CNN1: variants seen among roughly 807,000 people sequenced by gnomAD.
CNN1 encodes calponin-1.
A neutral mutation model predicts 35.3 loss-of-function variants in CNN1; 21 were observed. The observed-to-expected ratio is 0.60, with a 90% confidence interval of 0.42 to 0.86. The LOEUF (loss-of-function observed/expected upper bound fraction) is 0.86. Among genes scored for constraint, CNN1 ranks in the 40% least tolerant of loss-of-function variants. The probability of loss-of-function intolerance (pLI) is 0.00; values close to 1 mark genes in which losing one functional copy is unlikely to be tolerated. For synonymous variants in CNN1, 164 were observed against 161.8 expected (o/e 1.01, Z -0.10); for missense variants, 314 against 400.8 (o/e 0.78, Z 1.85).
chr19:11,543,627 C>G (rs1222176161), intron 2 of CNN1, among the ~76,000 whole-genome samples: 1 of 149,828 alleles, frequency 6.7e-6, no homozygotes, highest in Non-Finnish European at 1.5e-5. Flanking sequence ...AAAAAAAATA[C>G]AAAAAATTAG....
chr19:11,546,910 C>A lies in CNN1; in HGVS notation c.331C>A (p.Leu111Met). Reference protein sequence around the residue: ...KPHDIFEANDLFENTNHTQVQ... With the variant: ...KPHDIFEANDMFENTNHTQVQ... ...CCACGACATTTTTGAGGCCAACGAC[C>A]TGTTTGAGAACACCAACCATACACA... Residue 111 changes from leucine (L) to methionine (M), a missense_variant, in exon 4 of 7, where the codon CTG (leucine) becomes ATG (methionine). Physicochemically the swap from Leu to Met is conservative, Grantham distance 15. Transcript: ENST00000252456. The A allele has an allele frequency of 6.2e-7, 1 of 1,614,242 alleles. No homozygotes were observed. The highest frequency in any genetic ancestry group is 1.3e-5 in the African/African-American group (1 of 75,070).
At chr19:11,542,599 G>A (rs1009009266) in intron 2 of CNN1, among the ~76,000 whole-genome samples, 2 of 146,702 alleles carry the variant, frequency 1.4e-5, no homozygotes, top group Admixed American at 1.4e-4. Context: ...TTTTTCAGAT[G>A]GAATCTTGCT....
chr19:11,540,063 A>G (rs2145025394), intron 1 of CNN1: 5 of 1,025,714 alleles, frequency 4.9e-6, no homozygotes, highest in Non-Finnish European at 5.9e-6. Context: ...CTCACCCGGG[A>G]GAAGAAGAGG....
rs1332420630 is a variant in CNN1 at position 11,549,965 on chromosome 19, TG to T, written c.*176del. On this transcript the variant is annotated 3_prime_UTR_variant, in exon 7 of 7. Coordinates refer to ENST00000252456, the MANE Select transcript of CNN1 (RefSeq NM_001299.6). The surrounding 1 kb of genome is among the most constrained non-coding windows in gnomAD (Gnocchi z 5.2). ...GAGAGCAGACTGGCGGGGGGCCCAT[TG>T]GGGGGAAGGGGACCCTCCGCTCTGT... 5 of 1,025,232 alleles carry T rather than the reference TG, an allele frequency of 4.9e-6. No individual in the cohort carries two copies. Among genetic ancestry groups the T allele is most frequent in the Non-Finnish European group, 7.0e-6 (5 of 719,198 alleles). The allele number at this position is 1,025,232 out of a possible 1,614,324, so 63.5% of individuals were successfully genotyped here.
chr19:11,548,192 G>A (rs1013955415), intron 5 of CNN1, among the ~76,000 whole-genome samples: 2 of 152,176 alleles, frequency 1.3e-5, no homozygotes, highest in South Asian at 2.1e-4. Context: ...GAACTTCAAT[G>A]CTAGAAGTCA....
chr19:11,543,973 C>T (rs554857237), intron 2 of CNN1, among the ~76,000 whole-genome samples: 1 of 151,716 alleles, frequency 6.6e-6, no homozygotes, highest in Non-Finnish European at 1.5e-5. Context: ...CTCATTCATT[C>T]ATTCATTCAT....
Position 11,546,896 on chromosome 19 carries a change from T to A in CNN1, c.317T>A (p.Phe106Tyr), listed in dbSNP as rs1182348414. 4.3e-6 allele frequency: 7 copies of A among 1,614,244 alleles called. No individual in the cohort carries two copies. Among genetic ancestry groups the A allele is most frequent in the Non-Finnish European group, 5.9e-6 (7 of 1,180,054 alleles). ...TKYGVKPHDI[F>Y]EANDLFENTN... ...TATGGGGTGAAGCCCCACGACATTTTTGAGGCCAACGACCTGTTTGAGAAC... is the reference window on the plus strand; with the variant it reads ...TATGGGGTGAAGCCCCACGACATTTATGAGGCCAACGACCTGTTTGAGAAC... Residue 106 changes from phenylalanine (F) to tyrosine (Y), a missense_variant, in exon 4 of 7, where the codon TTT (phenylalanine) becomes TAT (tyrosine). Coordinates refer to ENST00000252456, the MANE Select transcript of CNN1 (RefSeq NM_001299.6).
At chr19:11,547,099 C>G in intron 4 of CNN1, 130 bp downstream of exon 4, 1 of 1,362,972 alleles carries the variant, frequency 7.3e-7, no homozygotes, top group East Asian at 2.3e-5. Context: ...CAGGTGCTGT[C>G]AACAGCGTCC....
chr19:11,544,471 T>C (rs1394455616), intron 2 of CNN1, among the ~76,000 whole-genome samples: 1 of 152,014 alleles, frequency 6.6e-6, no homozygotes, highest in Non-Finnish European at 1.5e-5. Flanking sequence ...GAGGGCATTT[T>C]ATTTCATTTA....
At chr19:11,548,430 T>C (rs1169507404) in intron 5 of CNN1, among the ~76,000 whole-genome samples, 1 of 152,200 alleles carries the variant, frequency 6.6e-6, no homozygotes, top group Non-Finnish European at 1.5e-5. Flanking sequence ...CTGCCTGTGG[T>C]CCCAGCTACT....
intron 1 of CNN1, chr19:11,539,536 G>A: frequency 1.3e-5 from 15 of 1,131,400 alleles, no homozygotes; most frequent in Non-Finnish European, 1.7e-5. Context: ...GTTCGGAGAG[G>A]AGAGGCAAAT....
At chr19:11,548,757 A>G (rs1444865162) in intron 5 of CNN1, among the ~76,000 whole-genome samples, 1 of 151,214 alleles carries the variant, frequency 6.6e-6, no homozygotes, top group Non-Finnish European at 1.5e-5. Context: ...GAATTGCTTG[A>G]ACTCAGGAGG....
intron 1 of CNN1, chr19:11,539,885 C>G (rs888121141): frequency 8.6e-7 from 1 of 1,162,702 alleles, no homozygotes; most frequent in East Asian, 8.2e-5. Context: ...CAGCGCCGGC[C>G]CCAGAGCCGC....
chr19:11,546,998 G>T (rs1458646980), intron 4 of CNN1, 29 bp downstream of exon 4: 2 of 1,610,770 alleles, frequency 1.2e-6, no homozygotes, highest in Admixed American at 3.3e-5. Flanking sequence ...TGGGCAGGGG[G>T]TGGTGGGCAG....
chr19:11,546,844 G>A lies in CNN1; in HGVS notation c.265G>A (p.Gly89Ser), dbSNP rs1338033254. The A allele has an allele frequency of 1.9e-6, 3 of 1,614,060 alleles. No homozygotes were observed. The highest frequency in any genetic ancestry group is 2.2e-5 in the East Asian group (1 of 44,888). ...TGCCCCCCTCTAGCTGGAGAACATC[G>A]GCAACTTCATCAAGGCCATCACCAA... is the stretch of plus-strand genomic sequence containing the variant. ...TQNWHQLENIGNFIKAITKYG... is the reference protein window; with the variant it reads ...TQNWHQLENISNFIKAITKYG... Residue 89 changes from glycine to serine, a missense_variant, in exon 4 of 7, where the codon GGC (glycine) becomes AGC (serine). Coordinates refer to ENST00000252456, the MANE Select transcript of CNN1 (RefSeq NM_001299.6).
Position 11,541,212 on chromosome 19 carries a change from C to T in CNN1, c.185+15C>T, listed in dbSNP as rs545476529. On this transcript the variant is annotated intron_variant, in intron 2 of 6. Transcript: ENST00000252456. Reference sequence around the variant, plus strand: ...ATTCTTTGCGAGTGAGTGAGGCTCTCGAAGCCGAGACCCTGCAACATCCCC... The same window carrying T: ...ATTCTTTGCGAGTGAGTGAGGCTCTTGAAGCCGAGACCCTGCAACATCCCC... The T allele has an allele frequency of 1.9e-5, 29 of 1,544,236 alleles. No homozygotes were observed. The highest frequency in any genetic ancestry group is 1.7e-4 in the Middle Eastern group (1 of 5,796).
chr19:11,541,596 T>C (rs190758473), intron 2 of CNN1, among the ~76,000 whole-genome samples: 1 of 152,232 alleles, frequency 6.6e-6, no homozygotes, highest in African/African-American at 2.4e-5. Context: ...CTGTTTTCTT[T>C]TTGTTTTTTT....
At chr19:11,548,168 T>G (rs1408894038) in intron 5 of CNN1, among the ~76,000 whole-genome samples, 1 of 152,158 alleles carries the variant, frequency 6.6e-6, no homozygotes, top group African/African-American at 2.4e-5. Flanking sequence ...TTCCAGCTGA[T>G]GCGTGGCAGG....
In CNN1 at chr19:11,541,146, G is replaced by A. The variant is rs773120447; in HGVS notation, c.134G>A (p.Arg45His). The change falls in exon 2 of 7, where the codon CGC (arginine) becomes CAC (histidine). Residue 45 changes from arginine to histidine, a missense_variant. Transcript: ENST00000252456. ...TGGATCGAGGGGGTGACAGGCCGTC[G>A]CATCGGCAACAACTTCATGGACGGC... ...REWIEGVTGR[R>H]IGNNFMDGLK... The A allele has an allele frequency of 1.7e-5, 27 of 1,606,114 alleles. No individual in the cohort carries two copies. The highest frequency in any genetic ancestry group is 6.7e-5 in the African/African-American group (5 of 74,448).
Sources: gnomAD v4.1 joint callset for allele counts (sites outside exome capture counted in the v4.1 genomes callset) on GRCh38, gnomAD v4.1.1 for gene constraint, Gnocchi (gnomAD v3.1) non-coding constraint, MANE v1.5 for transcripts, NCBI Gene and HGNC (gene_info 2026-07-23, HGNC 2026-07-21) for gene names.